Variants in LINGO2 observed in about 807,000 individuals in gnomAD.
LINGO2 encodes leucine rich repeat and Ig domain containing 2.
Under a neutral mutation model 30.6 loss-of-function variants are expected in LINGO2, and 14 were observed. The observed-to-expected ratio is 0.46, with a 90% CI of 0.30 to 0.72. LINGO2 has a LOEUF of 0.72. Among genes scored for constraint, LINGO2 ranks in the 30% least tolerant of loss-of-function variants. The pLI is 0.07. For synonymous variants in LINGO2, 317 were observed against 288.5 expected, an observed-to-expected ratio of 1.10 and a Z score of -1.00; for missense variants, 729 against 751.7, an observed-to-expected ratio of 0.97 and a Z score of 0.35.
intron 1 of LINGO2, among the ~76,000 whole-genome samples, chr9:28,612,251 T>C (rs991125360): frequency 6.6e-6 from 1 of 152,090 alleles, no homozygotes; most frequent in Non-Finnish European, 1.5e-5. Flanking sequence ...TCAGTAGAGA[T>C]GAGTTCTTGC....
intron 2 of LINGO2, among the ~76,000 whole-genome samples, chr9:28,374,084 T>G (rs1821018785): frequency 6.6e-6 from 1 of 151,914 alleles, no homozygotes; most frequent in South Asian, 2.1e-4. Context: ...AGTAATAGTA[T>G]TGTCCCAATT....
chr9:29,189,060 G>A, the LINGO2 span, among the ~76,000 whole-genome samples: 1 of 94,662 alleles, frequency 1.1e-5, no homozygotes, highest in African/African-American at 3.9e-5. Flanking sequence ...GCGGGGGGCT[G>A]ACCCCCCCCA....
At chr9:28,462,387 C>G (rs932428882) in intron 2 of LINGO2, among the ~76,000 whole-genome samples, 1 of 133,798 alleles carries the variant, frequency 7.5e-6, no homozygotes, top group African/African-American at 2.8e-5. Flanking sequence ...GGGTCACACA[C>G]TAGAATAACA....
chr9:29,172,781 G>A, the LINGO2 span, among the ~76,000 whole-genome samples: 1 of 151,740 alleles, frequency 6.6e-6, no homozygotes, highest in African/African-American at 2.4e-5. Flanking sequence ...GATCCATAGA[G>A]GAATACCTGA....
At chr9:28,939,674 C>G in the LINGO2 span, among the ~76,000 whole-genome samples, 1 of 152,214 alleles carries the variant, frequency 6.6e-6, no homozygotes, top group African/African-American at 2.4e-5. Flanking sequence ...CACTTAGATG[C>G]AAGGTCTTGA....
chr9:28,170,765 C>T (rs1828558931), intron 4 of LINGO2, among the ~76,000 whole-genome samples: 1 of 152,202 alleles, frequency 6.6e-6, no homozygotes, highest in Non-Finnish European at 1.5e-5. Context: ...ACTCCAAACT[C>T]TGCTTTTATC....
At chr9:28,569,380 A>G (rs1464446105) in intron 1 of LINGO2, among the ~76,000 whole-genome samples, 4 of 151,010 alleles carry the variant, frequency 2.6e-5, no homozygotes, top group Admixed American at 1.3e-4. Context: ...AGATCTAGAA[A>G]TAACATAAAT....
At chr9:28,056,180 T>C (rs1824935263) in intron 4 of LINGO2, among the ~76,000 whole-genome samples, 1 of 152,164 alleles carries the variant, frequency 6.6e-6, no homozygotes, top group South Asian at 2.1e-4. Context: ...ATTGGTCGGC[T>C]GCTTAATTGA....
chr9:28,034,437 T>A (rs1167291908), intron 4 of LINGO2, among the ~76,000 whole-genome samples: 2 of 152,180 alleles, frequency 1.3e-5, no homozygotes, highest in Non-Finnish European at 2.9e-5. Context: ...TTCCAGGCAG[T>A]TAGTTGGAGG....
chr9:28,803,689 C>T, the LINGO2 span, among the ~76,000 whole-genome samples: 3 of 151,846 alleles, frequency 2.0e-5, no homozygotes, highest in African/African-American at 7.2e-5. Context: ...CCAATTATTT[C>T]CCCATTAGTC....
the LINGO2 span, among the ~76,000 whole-genome samples, chr9:28,992,695 T>G: frequency 2.0e-5 from 3 of 151,954 alleles, no homozygotes; most frequent in Non-Finnish European, 4.4e-5. Context: ...AAACTAGAAC[T>G]CAGGATTAAG....
intron 3 of LINGO2, among the ~76,000 whole-genome samples, chr9:28,348,322 A>G (rs184365063): frequency 2.1e-3 from 322 of 152,294 alleles, no homozygotes; most frequent in African/African-American, 7.6e-3. Context: ...AGGGCGAGGC[A>G]TTGCCTCACT....
At chr9:28,152,248 C>G (rs1373317449) in intron 4 of LINGO2, among the ~76,000 whole-genome samples, 2 of 152,088 alleles carry the variant, frequency 1.3e-5, no homozygotes, top group African/African-American at 4.8e-5. Context: ...AGGGATTTCT[C>G]ACTGTGTTAG....
chr9:28,280,032 A>T (rs1478531319), intron 4 of LINGO2, among the ~76,000 whole-genome samples: 1 of 152,190 alleles, frequency 6.6e-6, no homozygotes, highest in Non-Finnish European at 1.5e-5. Context: ...AACAAAGCAC[A>T]GTGTTATAAG....
chr9:28,884,210 A>C, the LINGO2 span, among the ~76,000 whole-genome samples: 1 of 152,086 alleles, frequency 6.6e-6, no homozygotes, highest in African/African-American at 2.4e-5. Flanking sequence ...TGTTTTGAAA[A>C]TATTTTTTTC....
chr9:28,055,531 G>C (rs1187215197), intron 4 of LINGO2, among the ~76,000 whole-genome samples: 1 of 152,146 alleles, frequency 6.6e-6, no homozygotes, highest in East Asian at 1.9e-4. Flanking sequence ...CTGTGGATTG[G>C]CTGTGACTTC....
rs192601611 is a variant in LINGO2, at chr9:28,512,770, G to A, written c.-364-36745C>T. On this transcript the variant is annotated intron_variant, in intron 1 of 5. Transcript: ENST00000379992. ...GGTTGTCTTCAAGCTGAAGAGCAAG[G>A]AGAGCCAGTCTGAGTCCCAAAACTG... is the stretch of plus-strand genomic sequence containing the variant. 6.6e-3 allele frequency among the ~76,000 whole-genome samples: 1,001 copies of A among 150,844 alleles called. 7 individuals carry two copies. The highest frequency in any genetic ancestry group is 0.011 in the Admixed American group (171 of 15,116).
intron 4 of LINGO2, among the ~76,000 whole-genome samples, chr9:28,127,793 C>A (rs1225176915): frequency 6.6e-6 from 1 of 152,154 alleles, no homozygotes; most frequent in Non-Finnish European, 1.5e-5. Flanking sequence ...ACCTTTGATG[C>A]CGTTTTTGCT....
At chr9:28,052,454 G>C (rs1422272784) in intron 4 of LINGO2, among the ~76,000 whole-genome samples, 2 of 152,050 alleles carry the variant, frequency 1.3e-5, no homozygotes, top group Admixed American at 1.3e-4. Flanking sequence ...ACATTTCTGG[G>C]ACTTCTGGTT....
Sources: gnomAD v4.1 joint callset for allele counts (sites outside exome capture counted in the v4.1 genomes callset) on GRCh38, gnomAD v4.1.1 for gene constraint, MANE v1.5 for transcripts, NCBI Gene and HGNC (gene_info 2026-07-23, HGNC 2026-07-21) for gene names.